The following PHPT1 variants were observed in gnomAD, a reference collection of about 807,000 sequenced individuals.
The protein encoded by PHPT1 is phosphohistidine phosphatase 1, also known as 14 kDa phosphohistidine phosphatase.
In PHPT1, 16 loss-of-function variants were observed where a neutral mutation model predicts 15.6. The observed-to-expected ratio is 1.03, with a 90% CI of 0.70 to 1.56. PHPT1 has a LOEUF of 1.56. Ranked by LOEUF, PHPT1 falls within the 40% of genes most tolerant of loss-of-function variation. The probability of loss-of-function intolerance (pLI) is 0.00; values close to 1 mark genes in which losing one functional copy is unlikely to be tolerated. For synonymous variants in PHPT1, 102 were observed against 68.1 expected (o/e 1.50, Z -2.45); for missense variants, 228 against 171.0 (o/e 1.33, Z -1.86).
chr9:136,850,410 T>A (rs528657590), intron 2 of PHPT1: 1 of 1,161,942 alleles, frequency 8.6e-7, no homozygotes, highest in African/African-American at 1.5e-5. Flanking sequence ...GCTCTAGCTG[T>A]CCTCCAGCAC....
chr9:136,850,196 CT>C, intron 2 of PHPT1, 59 bp downstream of exon 2: 1 of 1,606,860 alleles, frequency 6.2e-7, no homozygotes, highest in Non-Finnish European at 8.5e-7. Context: ...CGAGGCCCAC[CT>C]GAGCCTGCTG....
At position 136,849,578 on chromosome 9, in the gene PHPT1, G is replaced by A; in HGVS notation, c.148G>A (p.Ala50Thr). The change falls in exon 1 of 3, where the codon GCT (alanine) becomes ACT (threonine). Residue 50 changes from alanine (A) to threonine (T), a missense_variant. Ala to Thr is a moderately conservative substitution (Grantham distance 58). Transcript: ENST00000247665. ...SKEIVRGYKWAEYHADIYDKV... is the reference protein window; with the variant it reads ...SKEIVRGYKWTEYHADIYDKV... ...GGAGATCGTGCGCGGCTACAAGTGG[G>A]CTGAGTACCATGGTGAGGGCGGGAC... 1 of 1,603,330 alleles carries A rather than the reference G, an allele frequency of 6.2e-7. No individual in the cohort carries two copies. The highest frequency in any genetic ancestry group is 8.5e-7 in the Non-Finnish European group (1 of 1,177,538).
Position 136,850,821 on chromosome 9 carries a change from G to A in PHPT1, c.352G>A (p.Val118Ile). 1 of 1,613,118 alleles carries A rather than the reference G, an allele frequency of 6.2e-7. No homozygotes were observed. Among genetic ancestry groups the A allele is most frequent in the Non-Finnish European group, 8.5e-7 (1 of 1,179,922 alleles). Residue 118 changes from valine to isoleucine, a missense_variant, in exon 3 of 3, where the codon GTC (valine) becomes ATC (isoleucine). Val to Ile is a conservative substitution (Grantham distance 29). Coordinates refer to ENST00000247665, the MANE Select transcript of PHPT1 (RefSeq NM_014172.6). ...KIKAKYPDYE[V>I]TWANDGY ...CAAAGCCAAGTACCCCGACTACGAG[G>A]TCACCTGGGCTAACGACGGCTACTG...
intron 1 of PHPT1, 25 bp from the exon 2 acceptor site, chr9:136,849,988 T>C: frequency 6.2e-7 from 1 of 1,601,152 alleles, no homozygotes; most frequent in African/African-American, 1.3e-5. Flanking sequence ...CCAGGGCACG[T>C]CCTGAGGCCG....
intron 1 of PHPT1, 162 bp from the exon 2 acceptor site, chr9:136,849,851 C>G: frequency 1.2e-6 from 1 of 826,116 alleles, no homozygotes; most frequent in South Asian, 1.7e-5. Context: ...CCCGGTTCCA[C>G]CCTCCTTCGC....
chr9:136,850,232 C>T (rs756077692), intron 2 of PHPT1, 95 bp downstream of exon 2: 30 of 1,531,692 alleles, frequency 2.0e-5, no homozygotes, highest in South Asian at 1.4e-4. Flanking sequence ...CCCAGCTGAG[C>T]ACGCAGGCTT....
rs775743770 is a variant in PHPT1, at chr9:136,850,051, C to T, written c.199C>T (p.Gln67Ter). 1.9e-6 allele frequency: 3 copies of T among 1,613,160 alleles called. No homozygotes were observed. The highest frequency in any genetic ancestry group is 4.5e-5 in the East Asian group (2 of 44,868). The change falls in exon 2 of 3, where the codon CAA becomes TAA. Residue 67 changes from glutamine (Q) to a stop codon, truncating the protein, a stop_gained. Transcript: ENST00000247665. LOFTEE classifies it high-confidence loss of function. ...YDKVSGDMQK[Q>*]GCDCECLGGG... The stretch of plus-strand genomic sequence containing the variant: ...CAAAGTGTCGGGCGACATGCAGAAG[C>T]AAGGCTGCGACTGTGAGTGTCTGGG...
At chr9:136,850,401 C>A in intron 2 of PHPT1, 2 of 1,094,962 alleles carry the variant, frequency 1.8e-6, no homozygotes, top group Non-Finnish European at 1.3e-6. Flanking sequence ...CCTTGCTGGG[C>A]TCTAGCTGTC....
chr9:136,850,298 C>G, intron 2 of PHPT1, 161 bp downstream of exon 2: 1 of 939,454 alleles, frequency 1.1e-6, no homozygotes, highest in East Asian at 2.6e-5. Context: ...CCATTGTGTT[C>G]CTGCATTCCC....
In PHPT1 at chr9:136,851,012, G is replaced by A. The variant is rs1188589996; in HGVS notation, c.*165G>A. 7.9e-6 allele frequency: 6 copies of A among 759,408 alleles called. No individual in the cohort carries two copies. The highest frequency in any genetic ancestry group is 5.1e-5 in the African/African-American group (3 of 59,024). 47.0% of individuals were successfully genotyped at this position (759,408 alleles called of 1,614,324 possible). ...GGCTAGCCTGGCCACAGAATTAAACGTGTTGCCACACCTGCCGGCTTCTGA... is the reference window on the plus strand; with the variant it reads ...GGCTAGCCTGGCCACAGAATTAAACATGTTGCCACACCTGCCGGCTTCTGA... On this transcript the variant is annotated 3_prime_UTR_variant, in exon 3 of 3. Transcript: ENST00000247665.
At position 136,850,909 on chromosome 9, in the gene PHPT1, C is replaced by T. The variant is rs200454054; in HGVS notation, c.*62C>T. The T allele has an allele frequency of 7.9e-7, 1 of 1,266,790 alleles. No homozygotes were observed. The highest frequency in any genetic ancestry group is 1.2e-6 in the Non-Finnish European group (1 of 865,024). The allele number at this position is 1,266,790 out of a possible 1,614,324, so 78.5% of individuals were successfully genotyped here. On this transcript the variant is annotated 3_prime_UTR_variant, in exon 3 of 3. Coordinates refer to ENST00000247665, the MANE Select transcript of PHPT1 (RefSeq NM_014172.6). ...ACTTCAGAGCCCCCGCCTTTGCCTGCACTCCTCTTGCAGGGCTGGCCCTGC... is the reference window on the plus strand; with the variant it reads ...ACTTCAGAGCCCCCGCCTTTGCCTGTACTCCTCTTGCAGGGCTGGCCCTGC...
chr9:136,849,658 G>A (rs1848853808), intron 1 of PHPT1, 68 bp downstream of exon 1: 1 of 871,054 alleles, frequency 1.1e-6, no homozygotes, highest in African/African-American at 1.8e-5. Context: ...TGGCGGGACG[G>A]AGACGGGGCT....
Position 136,849,588 on chromosome 9 carries a change from A to T in PHPT1, c.158A>T (p.His53Leu). ...CGCGGCTACAAGTGGGCTGAGTACC[A>T]TGGTGAGGGCGGGACCTGCGGGCAT... ...IVRGYKWAEY[H>L]ADIYDKVSGD... The change falls in exon 1 of 3, where the codon CAT becomes CTT. Residue 53 changes from histidine (H) to leucine (L), a missense_variant and splice_region_variant. His to Leu is a moderately conservative substitution (Grantham distance 99). Transcript: ENST00000247665. 2 of 1,417,356 alleles carry T rather than the reference A, an allele frequency of 1.4e-6. No homozygotes were observed. The highest frequency in any genetic ancestry group is 1.9e-6 in the Non-Finnish European group (2 of 1,062,694). The allele number at this position is 1,417,356 out of a possible 1,614,324, so 87.8% of individuals were successfully genotyped here. A position where few individuals can be genotyped will look rare whatever the true frequency, so the allele number is the denominator to read the frequency against.
chr9:136,849,737 C>G, intron 1 of PHPT1, 147 bp downstream of exon 1: 3 of 823,904 alleles, frequency 3.6e-6, no homozygotes, highest in East Asian at 3.1e-5. Context: ...CGCTCTGCTC[C>G]GAGTCCTGCC....
At position 136,850,036 on chromosome 9, in the gene PHPT1, G is replaced by T. The variant is rs776554939; in HGVS notation, c.184G>T (p.Gly62Cys). 1 of 1,612,810 alleles carries T rather than the reference G, an allele frequency of 6.2e-7. No homozygotes were observed. The change falls in exon 2 of 3, where the codon GGC (glycine) becomes TGC (cysteine). Residue 62 changes from glycine to cysteine, a missense_variant. Coordinates refer to ENST00000247665, the MANE Select transcript of PHPT1 (RefSeq NM_014172.6). ...YHADIYDKVS[G>C]DMQKQGCDCE... ...AGCGGACATCTACGACAAAGTGTCG[G>T]GCGACATGCAGAAGCAAGGCTGCGA...
chr9:136,850,712 T>C, intron 2 of PHPT1, 43 bp from the exon 3 acceptor site: 1 of 1,557,708 alleles, frequency 6.4e-7, no homozygotes, highest in Admixed American at 1.7e-5. Flanking sequence ...GGTATCGGGT[T>C]GAAGGGTCCA....
chr9:136,850,218 T>TG lies in PHPT1; in HGVS notation c.285+83dup, dbSNP rs779356785. 20 of 1,579,754 alleles carry TG rather than the reference T, an allele frequency of 1.3e-5. No individual in the cohort carries two copies. In the East Asian group the frequency reaches 4.1e-4, roughly 32 times the overall value. On this transcript the variant is annotated intron_variant, in intron 2 of 2. Transcript: ENST00000247665. Reference sequence around the variant, plus strand: ...CACCTGAGCCTGCTGCCCTGACCCGTGGCCCCAGCTGAGCACGCAGGCTTC... The same window carrying TG: ...CACCTGAGCCTGCTGCCCTGACCCGTGGGCCCCAGCTGAGCACGCAGGCTTC...
At chr9:136,850,224 C>G (rs757110061) in intron 2 of PHPT1, 87 bp downstream of exon 2, 28 of 1,562,010 alleles carry the variant, frequency 1.8e-5, no homozygotes, top group Non-Finnish European at 2.5e-5. Context: ...CCCGTGGCCC[C>G]AGCTGAGCAC....
chr9:136,850,240 C>A (rs1192926895), intron 2 of PHPT1, 103 bp downstream of exon 2: 1 of 1,489,210 alleles, frequency 6.7e-7, no homozygotes, highest in Non-Finnish European at 9.3e-7. Flanking sequence ...AGCACGCAGG[C>A]TTCCTGGGGT....
Sources: gnomAD v4.1 joint callset for allele counts on GRCh38, gnomAD v4.1.1 for gene constraint, MANE v1.5 for transcripts, NCBI Gene and HGNC (gene_info 2026-07-23, HGNC 2026-07-21) for gene names.